CDH18: variants seen among roughly 807,000 people sequenced by gnomAD.
The protein encoded by CDH18 is cadherin-18.
A neutral mutation model predicts 67.9 loss-of-function variants in CDH18; 31 were observed. The observed-to-expected ratio is 0.46, with a 90% CI of 0.34 to 0.62. The LOEUF (loss-of-function observed/expected upper bound fraction) is 0.62, where lower values mean the gene tolerates loss of function less well. Ranked by LOEUF, CDH18 falls within the 20% of genes least tolerant of loss-of-function variation. CDH18 has a pLI of 0.01. For synonymous variants in CDH18, 362 were observed against 347.2 expected (o/e 1.04, Z -0.48); for missense variants, 890 against 975.5 (o/e 0.91, Z 1.17).
intron 2 of CDH18, among the ~76,000 whole-genome samples, chr5:20,011,784 A>G (rs1301970740): frequency 6.6e-6 from 1 of 152,118 alleles, no homozygotes; most frequent in African/African-American, 2.4e-5. Context: ...AATTTTGCAT[A>G]CCAGGAAGGA....
chr5:19,483,631 T>G, intron 11 of CDH18, 79 bp from the exon 12 acceptor site: 1 of 1,397,802 alleles, frequency 7.2e-7, no homozygotes, highest in Non-Finnish European at 9.7e-7. Flanking sequence ...ATGGATAAAA[T>G]GGGGATGTGT....
intron 1 of CDH18, among the ~76,000 whole-genome samples, chr5:20,382,772 TC>T (rs1468071854): frequency 3.9e-5 from 6 of 152,110 alleles, no homozygotes; most frequent in African/African-American, 1.4e-4. Flanking sequence ...GTTTTATAAA[TC>T]CAACACCAGT....
chr5:20,420,457 G>A (rs1203670264), intron 1 of CDH18, among the ~76,000 whole-genome samples: 1 of 151,042 alleles, frequency 6.6e-6, no homozygotes, highest in Non-Finnish European at 1.5e-5. Context: ...AGATTTTAAC[G>A]TTATAAAAAG....
chr5:19,952,253 G>A (rs182560910), intron 2 of CDH18, among the ~76,000 whole-genome samples: 1 of 152,194 alleles, frequency 6.6e-6, no homozygotes, highest in African/African-American at 2.4e-5. Flanking sequence ...GTTTCACCGT[G>A]TTAGCCAGGA....
intron 2 of CDH18, among the ~76,000 whole-genome samples, chr5:19,919,421 G>A (rs554805091): frequency 1.3e-5 from 2 of 152,266 alleles, no homozygotes; most frequent in Admixed American, 6.5e-5. Flanking sequence ...CCCACTACTT[G>A]TGACAGGTAT....
chr5:19,920,737 C>T (rs1372052770), intron 2 of CDH18, among the ~76,000 whole-genome samples: 1 of 151,904 alleles, frequency 6.6e-6, no homozygotes, highest in African/African-American at 2.4e-5. Context: ...TGGTCTCGAG[C>T]TCCTGACTCC....
intron 2 of CDH18, among the ~76,000 whole-genome samples, chr5:20,187,105 A>G (rs1738161522): frequency 6.6e-6 from 1 of 151,892 alleles, no homozygotes; most frequent in South Asian, 2.1e-4. Flanking sequence ...CAGAGAGACA[A>G]GAACAGAATG....
chr5:19,897,002 AT>A (rs1789413651), intron 2 of CDH18, among the ~76,000 whole-genome samples: 1 of 152,172 alleles, frequency 6.6e-6, no homozygotes, highest in South Asian at 2.1e-4. Flanking sequence ...AAACAGTAGA[AT>A]ATCTTCATGA....
chr5:20,063,129 A>G (rs2150512027), intron 2 of CDH18, among the ~76,000 whole-genome samples: 1 of 151,236 alleles, frequency 6.6e-6, no homozygotes, highest in South Asian at 2.1e-4. Flanking sequence ...CTATTTTTCA[A>G]CAATTATTAG....
chr5:20,247,689 G>A (rs182550006), intron 2 of CDH18, among the ~76,000 whole-genome samples: 445 of 151,622 alleles, frequency 2.9e-3, no homozygotes, highest in African/African-American at 9.3e-3. Context: ...ACTTGAACCC[G>A]GGAGGCAGAG....
At chr5:20,333,144 A>G (rs1157863062) in intron 1 of CDH18, among the ~76,000 whole-genome samples, 1 of 152,036 alleles carries the variant, frequency 6.6e-6, no homozygotes, top group Non-Finnish European at 1.5e-5. Context: ...ATCTCAAGGG[A>G]TACAACCAGA....
intron 10 of CDH18, among the ~76,000 whole-genome samples, chr5:19,508,379 A>C (rs1744571571): frequency 6.6e-6 from 1 of 152,050 alleles, no homozygotes; most frequent in Non-Finnish European, 1.5e-5. Flanking sequence ...TTACCTTGCT[A>C]TTTCTTTGTC....
At position 19,909,186 on chromosome 5, in the gene CDH18, A is replaced by T. The variant is rs561406590; in HGVS notation, c.-256-69944T>A. On this transcript the variant is annotated intron_variant, in intron 2 of 12. Coordinates refer to ENST00000382275, the MANE Select transcript of CDH18 (RefSeq NM_004934.5). ...TTCCTGGTGAACTGAAATCCCAATT[A>T]GTCAGCAACTCCACAATATATTTTT... Among the ~76,000 whole-genome samples, 3 of 152,320 alleles carry T rather than the reference A, an allele frequency of 2.0e-5. 1 individual carries two copies. The highest frequency in any genetic ancestry group is 7.2e-5 in the African/African-American group (3 of 41,580).
intron 2 of CDH18, among the ~76,000 whole-genome samples, chr5:20,130,366 T>C (rs1474944971): frequency 4.0e-5 from 6 of 149,016 alleles, no homozygotes; most frequent in Non-Finnish European, 7.4e-5. Context: ...GTTTCTCCAA[T>C]CCAAAGGCAG....
intron 9 of CDH18, among the ~76,000 whole-genome samples, chr5:19,526,504 G>T (rs1053397921): frequency 6.6e-6 from 1 of 152,088 alleles, no homozygotes; most frequent in Non-Finnish European, 1.5e-5. Context: ...GTAACACTAT[G>T]ATGGGCTCTG....
intron 1 of CDH18, among the ~76,000 whole-genome samples, chr5:20,465,630 T>A (rs1751582331): frequency 6.6e-6 from 1 of 152,046 alleles, no homozygotes; most frequent in South Asian, 2.1e-4. Context: ...CTCTTACAAC[T>A]AAATGAAATA....
At chr5:19,564,807 T>C (rs1282128436) in intron 8 of CDH18, among the ~76,000 whole-genome samples, 1 of 152,090 alleles carries the variant, frequency 6.6e-6, no homozygotes, top group Non-Finnish European at 1.5e-5. Flanking sequence ...GTTCTAAACC[T>C]GCCCTGGGCT....
At chr5:19,774,282 C>T (rs1442533746) in intron 3 of CDH18, among the ~76,000 whole-genome samples, 1 of 151,914 alleles carries the variant, frequency 6.6e-6, no homozygotes, top group Non-Finnish European at 1.5e-5. Flanking sequence ...GGCATAGTGG[C>T]TCATGCCTAT....
chr5:20,304,083 C>T (rs1736192806), intron 1 of CDH18: 3 of 1,610,654 alleles, frequency 1.9e-6, no homozygotes, highest in Admixed American at 3.3e-5. Context: ...TTGTGCAACT[C>T]GTCTGCATCC....
Sources: allele counts gnomAD v4.1 joint callset (sites outside exome capture counted in the v4.1 genomes callset), GRCh38; gene constraint gnomAD v4.1.1; transcripts MANE v1.5; gene names NCBI Gene and HGNC (gene_info 2026-07-23, HGNC 2026-07-21).